The following RAB2A variants were observed in gnomAD, a reference collection of about 807,000 sequenced individuals.
The protein encoded by RAB2A is RAB2A, member RAS oncogene family.
A neutral mutation model predicts 32.5 loss-of-function variants in RAB2A; 7 were observed. That is an observed-to-expected ratio of 0.22 (90% CI 0.12 to 0.40). The LOEUF (loss-of-function observed/expected upper bound fraction) is 0.40, where lower values mean the gene tolerates loss of function less well. RAB2A is among the 10% of genes least tolerant of loss of function. The pLI, the probability that RAB2A is intolerant of heterozygous loss-of-function variation, is 1.00. For missense variants in RAB2A, 108 were observed against 260.7 expected (o/e 0.41, Z 4.03); for synonymous variants, 79 against 85.2 (o/e 0.93, Z 0.40).
intron 2 of RAB2A, among the ~76,000 whole-genome samples, chr8:60,563,248 C>A (rs1405351957): frequency 1.3e-5 from 2 of 152,150 alleles, no homozygotes; most frequent in African/African-American, 4.8e-5. Flanking sequence ...TATTCTTTAA[C>A]CTTTGACTAT....
chr8:60,592,897 G>GATAATATA (rs1803966189), intron 6 of RAB2A, among the ~76,000 whole-genome samples: 1 of 152,192 alleles, frequency 6.6e-6, no homozygotes, highest in Non-Finnish European at 1.5e-5. Flanking sequence ...GATAAGAACA[G>GATAATATA]CTTATAAGAG....
At chr8:60,533,586 TTTGA>T (rs1473280370) in intron 1 of RAB2A, among the ~76,000 whole-genome samples, 2 of 152,160 alleles carry the variant, frequency 1.3e-5, no homozygotes, top group Admixed American at 6.5e-5. Context: ...GGAGTAGGAA[TTTGA>T]TTGACACATA....
At chr8:60,584,021 C>T (rs1290927307) in intron 3 of RAB2A, 187 bp from the exon 4 acceptor site, 4 of 507,660 alleles carry the variant, frequency 7.9e-6, no homozygotes, top group Non-Finnish European at 1.4e-5. Flanking sequence ...ATGTGCGTCT[C>T]GTTGACTTGA....
chr8:60,531,350 T>C (rs966218286), intron 1 of RAB2A, among the ~76,000 whole-genome samples: 1 of 152,252 alleles, frequency 6.6e-6, no homozygotes, highest in Non-Finnish European at 1.5e-5. Context: ...CTGTACTGTT[T>C]ACTTGTGACC....
chr8:60,526,057 A>ATATATATATATATATATATATAT (rs57164591), intron 1 of RAB2A, among the ~76,000 whole-genome samples: 1 of 93,798 alleles, frequency 1.1e-5, no homozygotes, highest in African/African-American at 3.8e-5. Flanking sequence ...ATATATATAT[A>ATATATATATATATATATATATAT]AGTTTTCTGT....
intron 6 of RAB2A, among the ~76,000 whole-genome samples, chr8:60,617,964 A>C (rs1804474876): frequency 6.6e-6 from 1 of 152,190 alleles, no homozygotes; most frequent in Non-Finnish European, 1.5e-5. Context: ...GTACAAATGG[A>C]GTTGTAGTAT....
chr8:60,604,631 G>A (rs1259308682), intron 6 of RAB2A, among the ~76,000 whole-genome samples: 4 of 152,210 alleles, frequency 2.6e-5, no homozygotes, highest in African/African-American at 9.7e-5. Context: ...CTTTAGCAAG[G>A]AAGCTGGCTG....
intron 1 of RAB2A, among the ~76,000 whole-genome samples, chr8:60,527,196 C>A (rs912969091): frequency 1.3e-5 from 2 of 151,992 alleles, no homozygotes; most frequent in African/African-American, 4.8e-5. Context: ...AACCAGATCT[C>A]GTGAGAACTC....
intron 1 of RAB2A, among the ~76,000 whole-genome samples, chr8:60,542,905 C>G (rs1807669246): frequency 1.3e-5 from 2 of 152,134 alleles, no homozygotes; most frequent in African/African-American, 4.8e-5. Context: ...AACTTGATGC[C>G]TGGAATATAG....
intron 3 of RAB2A, among the ~76,000 whole-genome samples, chr8:60,581,869 T>TA (rs1331728693): frequency 6.6e-6 from 1 of 151,716 alleles, no homozygotes; most frequent in Non-Finnish European, 1.5e-5. Flanking sequence ...TAATAAATTT[T>TA]AAAAAACAAT....
intron 6 of RAB2A, among the ~76,000 whole-genome samples, chr8:60,602,169 T>C (rs1023279116): frequency 2.0e-5 from 3 of 152,162 alleles, no homozygotes; most frequent in African/African-American, 7.2e-5. Context: ...CAAGCCACTG[T>C]GCCTGGGCAG....
chr8:60,609,185 A>C (rs1804292570), intron 6 of RAB2A, among the ~76,000 whole-genome samples: 1 of 152,102 alleles, frequency 6.6e-6, no homozygotes, highest in African/African-American at 2.4e-5. Flanking sequence ...TCAGCTTTAC[A>C]GTGTTCTCTC....
At chr8:60,531,875 T>C (rs1217625950) in intron 1 of RAB2A, among the ~76,000 whole-genome samples, 1 of 150,912 alleles carries the variant, frequency 6.6e-6, no homozygotes, top group Non-Finnish European at 1.5e-5. Flanking sequence ...TGATCTTGGC[T>C]CACTGCAACC....
At chr8:60,539,693 C>T (rs1243132524) in intron 1 of RAB2A, among the ~76,000 whole-genome samples, 1 of 152,166 alleles carries the variant, frequency 6.6e-6, no homozygotes, top group Non-Finnish European at 1.5e-5. Context: ...AATAAGGGCT[C>T]TGACTGAGGA....
intron 1 of RAB2A, among the ~76,000 whole-genome samples, chr8:60,538,862 C>G (rs115697544): frequency 1.3e-5 from 2 of 152,200 alleles, no homozygotes; most frequent in Admixed American, 6.5e-5. Flanking sequence ...CAATTGAAAA[C>G]TGGCACATGA....
intron 1 of RAB2A, among the ~76,000 whole-genome samples, chr8:60,541,419 AAG>A (rs1807644047): frequency 6.6e-6 from 1 of 152,178 alleles, no homozygotes; most frequent in Non-Finnish European, 1.5e-5. Context: ...AGATTTTATA[AAG>A]AGTGCAGGAT....
chr8:60,527,484 C>T (rs903341655), intron 1 of RAB2A, among the ~76,000 whole-genome samples: 12 of 152,164 alleles, frequency 7.9e-5, no homozygotes, highest in African/African-American at 1.7e-4. Flanking sequence ...CTTCACAAGG[C>T]GGCAGGAGAG....
intron 1 of RAB2A, among the ~76,000 whole-genome samples, chr8:60,529,326 G>A (rs1248662975): frequency 6.6e-6 from 1 of 152,132 alleles, no homozygotes; most frequent in African/African-American, 2.4e-5. Context: ...CTTGATATTA[G>A]CGTGGATTAT....
intron 6 of RAB2A, among the ~76,000 whole-genome samples, chr8:60,595,386 G>C (rs1804006033): frequency 6.6e-6 from 1 of 152,162 alleles, no homozygotes; most frequent in Non-Finnish European, 1.5e-5. Flanking sequence ...TAAAATGTCA[G>C]ATGTAAGCCC....
Sources: allele counts gnomAD v4.1 joint callset (sites outside exome capture counted in the v4.1 genomes callset), GRCh38; gene constraint gnomAD v4.1.1; transcripts MANE v1.5; gene names NCBI Gene and HGNC (gene_info 2026-07-23, HGNC 2026-07-21).